CHIC1: variants seen among roughly 807,000 people sequenced by gnomAD.
The protein encoded by CHIC1 is cysteine-rich hydrophobic domain-containing protein 1.
A neutral mutation model predicts 18.5 loss-of-function variants in CHIC1; 7 were observed. That is an observed-to-expected ratio of 0.38 (90% CI 0.22 to 0.71). The LOEUF is 0.71. Ranked by LOEUF, CHIC1 falls within the 30% of genes least tolerant of loss-of-function variation. CHIC1 has a pLI of 0.49. For missense variants in CHIC1, 159 were observed against 176.9 expected (o/e 0.90, Z 0.57); for synonymous variants, 77 against 73.5 (o/e 1.05, Z -0.25).
intron 3 of CHIC1, among the ~76,000 whole-genome samples, chrX:73,650,850 C>G (rs957662145): frequency 9.0e-6 from 1 of 111,405 alleles, no homozygotes; most frequent in Admixed American, 9.5e-5. Flanking sequence ...ATGAGGCCAG[C>G]ATCATCATAC....
At chrX:73,669,139 C>T (rs991244499) in intron 3 of CHIC1, among the ~76,000 whole-genome samples, 1 of 111,614 alleles carries the variant, frequency 9.0e-6, no homozygotes, top group Non-Finnish European at 1.9e-5. Flanking sequence ...GGAATCACGT[C>T]TGCCCCTGTG....
At chrX:73,677,580 C>T (rs950197019) in intron 3 of CHIC1, among the ~76,000 whole-genome samples, 3 of 112,070 alleles carry the variant, frequency 2.7e-5, no homozygotes, top group South Asian at 3.7e-4. Flanking sequence ...TTTTTAAGCC[C>T]GTTGGAAAAG....
Position 73,681,146 on chromosome X carries a change from G to T in CHIC1, c.*141G>T. On this transcript the variant is annotated 3_prime_UTR_variant, in exon 6 of 6. Coordinates refer to ENST00000373502, the MANE Select transcript of CHIC1 (RefSeq NM_001039840.4). ...AATATTCTTCTCGCTCTTTTGTGTT[G>T]GTTTATGAAGAAAATTTGCACATCT... 4.6e-6 allele frequency: 2 copies of T among 431,334 alleles called. No homozygotes were observed. The highest frequency in any genetic ancestry group is 4.0e-6 in the Non-Finnish European group (1 of 251,782). The allele number at this position is 431,334 out of a possible 1,213,427, so 35.5% of individuals were successfully genotyped here. A position where few individuals can be genotyped will look rare whatever the true frequency, so the allele number is the denominator to read the frequency against.
intron 3 of CHIC1, among the ~76,000 whole-genome samples, chrX:73,614,280 T>A (rs1324940669): frequency 3.6e-5 from 4 of 111,699 alleles, no homozygotes; most frequent in African/African-American, 1.3e-4. Flanking sequence ...CACTTTTCTC[T>A]TGCTGTTTCT....
chrX:73,664,774 C>T (rs774401560), intron 3 of CHIC1, among the ~76,000 whole-genome samples: 20 of 111,296 alleles, frequency 1.8e-4, no homozygotes, highest in Non-Finnish European at 3.4e-4. Context: ...GGGACCCCCT[C>T]CCCTAGAGCA....
chrX:73,608,817 A>C (rs1174302678), intron 3 of CHIC1, among the ~76,000 whole-genome samples: 3 of 107,746 alleles, frequency 2.8e-5, no homozygotes, highest in Non-Finnish European at 5.7e-5. Flanking sequence ...AGTTTATGTC[A>C]TCTGTGAACA....
chrX:73,663,212 G>C (rs749785876), intron 3 of CHIC1, among the ~76,000 whole-genome samples: 19 of 111,232 alleles, frequency 1.7e-4, no homozygotes, highest in Non-Finnish European at 3.6e-4. Context: ...CGGACTTTTG[G>C]GGAATGACGA....
At chrX:73,615,219 C>T (rs914639808) in intron 3 of CHIC1, among the ~76,000 whole-genome samples, 1 of 111,308 alleles carries the variant, frequency 9.0e-6, no homozygotes, top group African/African-American at 3.3e-5. Flanking sequence ...CTGGGGATGA[C>T]AACACTATGT....
In CHIC1 at chrX:73,684,084, ATACTT is replaced by A. The variant is rs1226646380; in HGVS notation, c.*3084_*3088del. 8.9e-6 allele frequency: 1 copy of A among 111,920 alleles called. No individual in the cohort carries two copies. The highest frequency in any genetic ancestry group is 3.2e-5 in the African/African-American group (1 of 30,834). 9.2% of individuals were successfully genotyped at this position (111,920 alleles called of 1,213,427 possible). A position where few individuals can be genotyped will look rare whatever the true frequency, so the allele number is the denominator to read the frequency against. ...TCATCCTTTTCAACTAGGTCTAAGA[ATACTT>A]TACTAGTGTATTATCTTTTATTTAT... On this transcript the variant is annotated 3_prime_UTR_variant, in exon 6 of 6. Transcript: ENST00000373502.
Position 73,657,505 on chromosome X carries a change from C to A in CHIC1, c.508-21821C>A, listed in dbSNP as rs747490320. On this transcript the variant is annotated intron_variant, in intron 3 of 5. Coordinates refer to ENST00000373502, the MANE Select transcript of CHIC1 (RefSeq NM_001039840.4). ...TAACTTTCCTGAAGTTGCTTATCAA[C>A]TTAAGCTTTTGGGCTGAGACATTGG... Among the ~76,000 whole-genome samples the A allele has an allele frequency of 3.3e-3, 366 of 112,188 alleles. 1 individual carries two copies. Among genetic ancestry groups the A allele is most frequent in the African/African-American group, 0.011 (350 of 30,873 alleles).
chrX:73,573,732 C>T (rs1322956746), intron 1 of CHIC1, among the ~76,000 whole-genome samples: 2 of 110,661 alleles, frequency 1.8e-5, no homozygotes, highest in African/African-American at 6.5e-5. Context: ...TCAGCTTAAA[C>T]GTTATTGGTG....
chrX:73,587,523 A>G (rs2057559099), intron 3 of CHIC1, among the ~76,000 whole-genome samples: 1 of 111,698 alleles, frequency 9.0e-6, no homozygotes, highest in South Asian at 3.7e-4. Context: ...GTCAGAGGAA[A>G]GGACTACTTT....
At chrX:73,599,393 A>G (rs1373632211) in intron 3 of CHIC1, among the ~76,000 whole-genome samples, 1 of 91,042 alleles carries the variant, frequency 1.1e-5, no homozygotes. Context: ...TGTTTTAGAC[A>G]TGAAGTCCTT....
intron 3 of CHIC1, among the ~76,000 whole-genome samples, chrX:73,665,805 T>A (rs1027633191): frequency 9.0e-6 from 1 of 111,577 alleles, no homozygotes; most frequent in African/African-American, 3.3e-5. Flanking sequence ...GCTAGGGGAC[T>A]GGGGCACCCA....
intron 4 of CHIC1, 102 bp from the exon 5 acceptor site, chrX:73,679,552 C>G: frequency 1.7e-6 from 1 of 586,984 alleles, no homozygotes; most frequent in African/African-American, 2.3e-5. Context: ...TGTTTTGTAT[C>G]CTGTACTTTT....
intron 3 of CHIC1, among the ~76,000 whole-genome samples, chrX:73,610,554 C>G (rs2057703613): frequency 9.3e-6 from 1 of 107,531 alleles, no homozygotes; most frequent in Admixed American, 9.7e-5. Context: ...ATGTTGTGTC[C>G]TTGTCTGGTT....
At chrX:73,611,988 G>A (rs375783038) in intron 3 of CHIC1, among the ~76,000 whole-genome samples, 122 of 108,339 alleles carry the variant, frequency 1.1e-3, no homozygotes, top group African/African-American at 4.1e-3. Context: ...CACTCTGATG[G>A]TAGTTTCTTT....
intron 3 of CHIC1, among the ~76,000 whole-genome samples, chrX:73,650,991 C>T (rs918953720): frequency 4.5e-5 from 5 of 111,655 alleles, no homozygotes; most frequent in African/African-American, 1.6e-4. Context: ...TTATCCACCA[C>T]GATCAAGGCA....
At chrX:73,648,376 T>C (rs189721894) in intron 3 of CHIC1, among the ~76,000 whole-genome samples, 1 of 112,079 alleles carries the variant, frequency 8.9e-6, no homozygotes, top group African/African-American at 3.2e-5. Flanking sequence ...ATGGACGAAT[T>C]GACAGAAGTA....
Sources: allele counts gnomAD v4.1 joint callset (sites outside exome capture counted in the v4.1 genomes callset), GRCh38; gene constraint gnomAD v4.1.1; transcripts MANE v1.5; gene names NCBI Gene and HGNC (gene_info 2026-07-23, HGNC 2026-07-21).